Variants in ZFP37 observed in about 807,000 individuals in gnomAD.
ZFP37 encodes zinc finger protein 37 homolog.
ZFP37 carries 38 observed loss-of-function variants against 52.1 expected under a neutral mutation model. That is an observed-to-expected ratio of 0.73 (90% CI 0.56 to 0.96). ZFP37 has a LOEUF of 0.96. ZFP37 is among the 40% of genes least tolerant of loss of function. The pLI is 0.00. For missense variants in ZFP37, 695 were observed against 741.4 expected (o/e 0.94, Z 0.73); for synonymous variants, 253 against 259.5 (o/e 0.98, Z 0.24).
rs1444257518 is a variant in ZFP37 at position 113,038,740 on chromosome 9, A to G, written c.*3985T>C. The G allele has an allele frequency of 6.6e-6, 1 of 152,094 alleles. No homozygotes were observed. Among genetic ancestry groups the G allele is most frequent in the Non-Finnish European group, 1.5e-5 (1 of 68,020 alleles). The allele number at this position is 152,094 out of a possible 1,614,324, so 9.4% of individuals were successfully genotyped here. On this transcript the variant is annotated 3_prime_UTR_variant, in exon 4 of 4. Transcript: ENST00000374227. ...AGAGATTGTAATGAGCCAAGATTGC[A>G]CTACTGCACACTCCAGTCTGGGTGA...
Position 113,042,931 on chromosome 9 carries a change from G to A in ZFP37, c.1687C>T (p.His563Tyr), listed in dbSNP as rs1458324074. The A allele has an allele frequency of 2.5e-6, 4 of 1,613,836 alleles. No individual in the cohort carries two copies. The African/African-American group carries it at 4.0e-5, about 16-fold the overall frequency. The change falls in exon 4 of 4, where the codon CAT becomes TAT. Residue 563 changes from histidine to tyrosine, a missense_variant. His to Tyr is a moderately conservative substitution (Grantham distance 83, BLOSUM62 2). Around this residue, in one of 2 missense-constraint regions of ZFP37, gnomAD observed 326 missense variants for 400.5 expected, o/e 0.81. Coordinates refer to ENST00000374227, the MANE Select transcript of ZFP37 (RefSeq NM_003408.3). ...AFSQKSHLIV[H>Y]QRTHTGEKPY... ...TTCTCCCCAGTATGAGTTCTCTGAT[G>A]TACAATGAGGTGAGACTTTTGGCTA...
chr9:113,040,856 A>T lies in ZFP37; in HGVS notation c.*1869T>A, dbSNP rs1437210888. On this transcript the variant is annotated 3_prime_UTR_variant, in exon 4 of 4. Transcript: ENST00000374227. ...ATGTAAATTAATATTGTATTAAAAT[A>T]AAGGTATGATGTTTTTGAAAACCAT... 6.6e-6 allele frequency: 1 copy of T among 152,244 alleles called. No individual in the cohort carries two copies. Among genetic ancestry groups the T allele is most frequent in the Non-Finnish European group, 1.5e-5 (1 of 68,040 alleles). 9.4% of individuals were successfully genotyped at this position (152,244 alleles called of 1,614,324 possible).
At chr9:113,049,948 G>A in intron 1 of ZFP37, 76 bp from the exon 2 acceptor site, 2 of 1,602,360 alleles carry the variant, frequency 1.2e-6, no homozygotes, top group Non-Finnish European at 1.7e-6. Context: ...TCATGCTAAT[G>A]TTATCCACAT....
intron 3 of ZFP37, 116 bp from the exon 4 acceptor site, chr9:113,044,384 C>T (rs1395449179): frequency 3.3e-6 from 3 of 906,214 alleles, no homozygotes; most frequent in Non-Finnish European, 4.7e-6. Context: ...GCCTGGTATA[C>T]CAATGTGAAT....
At chr9:113,051,471 C>T (rs757299109) in intron 1 of ZFP37, among the ~76,000 whole-genome samples, 1 of 151,950 alleles carries the variant, frequency 6.6e-6, no homozygotes, top group East Asian at 1.9e-4. Context: ...GGTGGGGGAG[C>T]AGATAAAGTC....
chr9:113,054,520 G>C (rs1284448186), intron 1 of ZFP37, among the ~76,000 whole-genome samples: 2 of 151,998 alleles, frequency 1.3e-5, no homozygotes, highest in East Asian at 3.9e-4. Context: ...CATATATATA[G>C]TGGCTACCCA....
At chr9:113,053,473 G>T (rs998708010) in intron 1 of ZFP37, among the ~76,000 whole-genome samples, 1 of 152,160 alleles carries the variant, frequency 6.6e-6, no homozygotes, top group Non-Finnish European at 1.5e-5. Context: ...CTGCTGAGTG[G>T]ACTAACTTCA....
intron 1 of ZFP37, among the ~76,000 whole-genome samples, chr9:113,055,821 A>G (rs778365571): frequency 2.0e-5 from 3 of 152,216 alleles, no homozygotes; most frequent in Non-Finnish European, 2.9e-5. Flanking sequence ...TCACAGAATC[A>G]TAGAGGATCT....
rs902104344 is a variant in ZFP37, at chr9:113,042,532, T to A, written c.*193A>T. 2.2e-6 allele frequency: 1 copy of A among 444,542 alleles called. No individual in the cohort carries two copies. Among genetic ancestry groups the A allele is most frequent in the Non-Finnish European group, 3.9e-6 (1 of 255,944 alleles). The allele number at this position is 444,542 out of a possible 1,614,324, so 27.5% of individuals were successfully genotyped here. On this transcript the variant is annotated 3_prime_UTR_variant, in exon 4 of 4. Coordinates refer to ENST00000374227, the MANE Select transcript of ZFP37 (RefSeq NM_003408.3). Reference sequence around the variant, plus strand: ...ATTGAGTAGTTAAAACAATATTTTTTATAAAAGGTTTTGTATCAAGTTTAA... The same window carrying A: ...ATTGAGTAGTTAAAACAATATTTTTAATAAAAGGTTTTGTATCAAGTTTAA...
rs1828879986 is a variant in ZFP37, at chr9:113,043,103, A to C, written c.1515T>G (p.Thr505=). Residue 505 remains threonine (T), a synonymous_variant, in exon 4 of 4, where the codon ACT becomes ACG. Transcript: ENST00000374227. Reference sequence around the variant, plus strand: ...CACCTGTATGAGTTCTCATATGGTAAGTAAGAGATGAGCTATGTCCAAAGG... The same window carrying C: ...CACCTGTATGAGTTCTCATATGGTACGTAAGAGATGAGCTATGTCCAAAGG... ...GKAFGHSSSL[T]YHMRTHTGES... 6.2e-7 allele frequency: 1 copy of C among 1,613,694 alleles called. No individual in the cohort carries two copies. Among genetic ancestry groups the C allele is most frequent in the Non-Finnish European group, 8.5e-7 (1 of 1,179,956 alleles).
At position 113,040,669 on chromosome 9, in the gene ZFP37, A is replaced by AAATTACTGTCTAGGT. The variant is rs1564341759; in HGVS notation, c.*2041_*2055dup. The AAATTACTGTCTAGGT allele has an allele frequency of 6.6e-6, 1 of 152,240 alleles. No individual in the cohort carries two copies. Among genetic ancestry groups the AAATTACTGTCTAGGT allele is most frequent in the African/African-American group, 2.4e-5 (1 of 41,464 alleles). 9.4% of individuals were successfully genotyped at this position (152,240 alleles called of 1,614,324 possible). A position where few individuals can be genotyped will look rare whatever the true frequency, so the allele number is the denominator to read the frequency against. On this transcript the variant is annotated 3_prime_UTR_variant, in exon 4 of 4. Transcript: ENST00000374227. The stretch of plus-strand genomic sequence containing the variant: ...TTTCTTTGGGGCCCATTATTATGCT[A>AAATTACTGTCTAGGT]AATTACTGTCTAGGTGAAATATTTA...
At position 113,042,411 on chromosome 9, in the gene ZFP37, A is replaced by G. The variant is rs1757515798; in HGVS notation, c.*314T>C. The G allele has an allele frequency of 4.4e-6, 1 of 225,074 alleles. No homozygotes were observed. The highest frequency in any genetic ancestry group is 8.6e-6 in the Non-Finnish European group (1 of 115,706). The allele number at this position is 225,074 out of a possible 1,614,324, so 13.9% of individuals were successfully genotyped here. A position where few individuals can be genotyped will look rare whatever the true frequency, so the allele number is the denominator to read the frequency against. On this transcript the variant is annotated 3_prime_UTR_variant, in exon 4 of 4. Transcript: ENST00000374227. ...AAGAAGAAACACAGGAACTGTCAGC[A>G]TATATAACTTGTTTCTCCATTGCTT...
At position 113,043,012 on chromosome 9, in the gene ZFP37, G is replaced by C; in HGVS notation, c.1606C>G (p.Gln536Glu). The C allele has an allele frequency of 6.2e-7, 1 of 1,613,666 alleles. No individual in the cohort carries two copies. Among genetic ancestry groups the C allele is most frequent in the African/African-American group, 1.3e-5 (1 of 74,948 alleles). The change falls in exon 4 of 4, where the codon CAG (glutamine) becomes GAG (glutamate). Residue 536 changes from glutamine (Q) to glutamate (E), a missense_variant. Physicochemically the swap from Gln to Glu is conservative, Grantham distance 29 (BLOSUM62 2). Coordinates refer to ENST00000374227, the MANE Select transcript of ZFP37 (RefSeq NM_003408.3). ...GGTTTCTCTCCAGTATGAACTCTCT[G>C]ATGTTGAGTAAGGCCTTCAATTTGT... ...FKQIEGLTQH[Q>E]RVHTGEKPYE...
Position 113,044,148 on chromosome 9 carries a change from A to G in ZFP37, c.470T>C (p.Leu157Pro), listed in dbSNP as rs1405421423. 1.2e-6 allele frequency: 2 copies of G among 1,612,498 alleles called. No homozygotes were observed. The highest frequency in any genetic ancestry group is 8.5e-7 in the Non-Finnish European group (1 of 1,179,684). Residue 157 changes from leucine (L) to proline (P), a missense_variant, in exon 4 of 4, where the codon CTG becomes CCG. Physicochemically the swap from Leu to Pro is moderately conservative, Grantham distance 98 (BLOSUM62 -3). Transcript: ENST00000374227. ...AKKNGSDCGS[L>P]GKKNNLHKKH... The stretch of plus-strand genomic sequence containing the variant: ...TTTATGCAAATTATTTTTTTTCCCC[A>G]GTGAACCACAGTCACTGCCATTCTT...
chr9:113,047,591 A>G (rs1241521258), intron 3 of ZFP37, among the ~76,000 whole-genome samples: 2 of 152,096 alleles, frequency 1.3e-5, no homozygotes, highest in Admixed American at 1.3e-4. Context: ...CTCTATGAAA[A>G]AAAAGAGAAA....
Position 113,056,478 on chromosome 9 carries a change from TCA to T in ZFP37, c.132+77_132+78del, listed in dbSNP as rs1168783785. ...CCACCAATTCCCAAATCACCTATCG[TCA>T]CAGACTACTCCAATCACTGCCCCGC... On this transcript the variant is annotated intron_variant, in intron 1 of 3. Transcript: ENST00000374227. 4.5e-6 allele frequency: 7 copies of T among 1,572,354 alleles called. 1 individual carries two copies. The African/African-American group carries it at 8.1e-5, about 18-fold the overall frequency.
Position 113,042,560 on chromosome 9 carries a change from C to A in ZFP37, c.*165G>T. On this transcript the variant is annotated 3_prime_UTR_variant, in exon 4 of 4. Transcript: ENST00000374227. ...AAAAGGTTTTGTATCAAGTTTAAAC[C>A]CTTGTTTCCATCCACTGATTCTATA... 3.8e-6 allele frequency: 2 copies of A among 527,432 alleles called. No individual in the cohort carries two copies. The highest frequency in any genetic ancestry group is 3.8e-5 in the South Asian group (1 of 26,284). 32.7% of individuals were successfully genotyped at this position (527,432 alleles called of 1,614,324 possible).
In ZFP37 at chr9:113,041,454, A is replaced by G. The variant is rs140014565; in HGVS notation, c.*1271T>C. ...GGAGGGGTGACATTTGTTTCATTCG[A>G]ATTCCCTGATTGAGGTGTTTGTGTG... On this transcript the variant is annotated 3_prime_UTR_variant, in exon 4 of 4. Coordinates refer to ENST00000374227, the MANE Select transcript of ZFP37 (RefSeq NM_003408.3). 2 of 152,282 alleles carry G rather than the reference A, an allele frequency of 1.3e-5. No individual in the cohort carries two copies. Among genetic ancestry groups the G allele is most frequent in the African/African-American group, 4.8e-5 (2 of 41,552 alleles). 9.4% of individuals were successfully genotyped at this position (152,282 alleles called of 1,614,324 possible). A position where few individuals can be genotyped will look rare whatever the true frequency, so the allele number is the denominator to read the frequency against.
chr9:113,050,950 A>C (rs1482363058), intron 1 of ZFP37, among the ~76,000 whole-genome samples: 1 of 152,146 alleles, frequency 6.6e-6, no homozygotes, highest in Non-Finnish European at 1.5e-5. Context: ...TAGGCATGTA[A>C]GAATGCAGAA....
Sources: allele counts gnomAD v4.1 joint callset (sites outside exome capture counted in the v4.1 genomes callset), GRCh38; gene constraint gnomAD v4.1.1; regional missense constraint gnomAD v4.1.1; transcripts MANE v1.5; gene names NCBI Gene and HGNC (gene_info 2026-07-23, HGNC 2026-07-21).